LRIG3: variants seen among roughly 807,000 people sequenced by gnomAD.
LRIG3 encodes the protein leucine rich repeats and immunoglobulin like domains 3, also known as leucine-rich repeats and immunoglobulin-like domains protein 3.
In LRIG3, 76 loss-of-function variants were observed where a neutral mutation model predicts 114.5. The ratio of observed to expected loss-of-function variants is 0.66; its 90% CI spans 0.55 to 0.80. LRIG3 has a LOEUF of 0.80. Ranked by LOEUF, LRIG3 falls within the 30% of genes least tolerant of loss-of-function variation. The pLI is 0.00. For synonymous variants in LRIG3, 512 were observed against 519.8 expected, an observed-to-expected ratio of 0.98 and a Z score of 0.20; for missense variants, 1,239 against 1,382.8, an observed-to-expected ratio of 0.90 and a Z score of 1.65.
At chr12:58,919,476 C>A (rs1462097426) in intron 1 of LRIG3, 1 of 1,551,618 alleles carries the variant, frequency 6.4e-7, no homozygotes, top group Non-Finnish European at 8.7e-7. Flanking sequence ...AGAAGTACGT[C>A]CACCATAACT....
At chr12:58,890,284 A>C (rs1314501092) in intron 4 of LRIG3, 145 bp from the exon 5 acceptor site, 2 of 879,016 alleles carry the variant, frequency 2.3e-6, no homozygotes, top group African/African-American at 3.4e-5. Flanking sequence ...TCAAGGACAG[A>C]TGTTAAGATT....
chr12:58,915,412 C>T (rs1872442571), intron 1 of LRIG3, among the ~76,000 whole-genome samples: 2 of 152,052 alleles, frequency 1.3e-5, no homozygotes, highest in Admixed American at 6.6e-5. Context: ...AAGTACACCC[C>T]TCCTAAAAAA....
At chr12:58,886,770 A>C in intron 9 of LRIG3, 40 bp downstream of exon 9, 1 of 1,581,854 alleles carries the variant, frequency 6.3e-7, no homozygotes, top group Non-Finnish European at 8.7e-7. Context: ...AAATTTTTAA[A>C]TCAAAGAGTG....
In LRIG3 at chr12:58,901,834, G is replaced by A. The variant is rs114854098; in HGVS notation, c.384-11038C>T. ...CCTAGCAATTAGAATTAGTCACTAC[G>A]GAAAGGCTGCTCACCAAGAATGAGC... is the stretch of plus-strand genomic sequence containing the variant. On this transcript the variant is annotated intron_variant, in intron 3 of 18. Transcript: ENST00000320743. Among the ~76,000 whole-genome samples, 1,428 of 152,246 alleles carry A rather than the reference G, an allele frequency of 9.4e-3. 21 individuals carry two copies. The highest frequency in any genetic ancestry group is 0.031 in the African/African-American group (1,305 of 41,544).
chr12:58,916,788 A>G (rs540994950), intron 1 of LRIG3, among the ~76,000 whole-genome samples: 1 of 152,320 alleles, frequency 6.6e-6, no homozygotes, highest in Admixed American at 6.5e-5. Context: ...GGTTAGACAG[A>G]CTTCTCTCTT....
At chr12:58,893,342 G>T (rs1032231764) in intron 3 of LRIG3, among the ~76,000 whole-genome samples, 1 of 152,124 alleles carries the variant, frequency 6.6e-6, no homozygotes, top group African/African-American at 2.4e-5. Flanking sequence ...CTAATGTCAG[G>T]TAACTAGCAT....
At chr12:58,897,181 T>C (rs532530130) in intron 3 of LRIG3, among the ~76,000 whole-genome samples, 14 of 152,330 alleles carry the variant, frequency 9.2e-5, no homozygotes, top group Admixed American at 6.5e-4. Flanking sequence ...CCATTGGTAC[T>C]GCAGCATCAA....
intron 3 of LRIG3, among the ~76,000 whole-genome samples, chr12:58,900,290 T>C (rs1871797384): frequency 6.6e-6 from 1 of 152,146 alleles, no homozygotes; most frequent in Non-Finnish European, 1.5e-5. Flanking sequence ...AGCACCTTTT[T>C]TTTTTTTTTG....
In LRIG3 at chr12:58,920,301, A is replaced by C; in HGVS notation, c.-66T>G. Reference sequence around the variant, plus strand: ...CGGCGCGCGCTCGGGGCCCGGCACAAACTTCCAGCCGAGGGTGCACGCCCG... The same window carrying C: ...CGGCGCGCGCTCGGGGCCCGGCACACACTTCCAGCCGAGGGTGCACGCCCG... On this transcript the variant is annotated 5_prime_UTR_variant, in exon 1 of 19. Coordinates refer to ENST00000320743, the MANE Select transcript of LRIG3 (RefSeq NM_153377.5). 6 of 1,227,430 alleles carry C rather than the reference A, an allele frequency of 4.9e-6. No individual in the cohort carries two copies. The highest frequency in any genetic ancestry group is 6.2e-6 in the Non-Finnish European group (6 of 960,792). The allele number at this position is 1,227,430 out of a possible 1,614,324, so 76.0% of individuals were successfully genotyped here. A position where few individuals can be genotyped will look rare whatever the true frequency, so the allele number is the denominator to read the frequency against.
chr12:58,888,201 T>C, intron 7 of LRIG3, 128 bp downstream of exon 7: 2 of 1,137,010 alleles, frequency 1.8e-6, no homozygotes, highest in Admixed American at 5.4e-5. Context: ...AAGACTAGGT[T>C]GCATGTGAAA....
At chr12:58,906,587 T>C (rs962511067) in intron 3 of LRIG3, among the ~76,000 whole-genome samples, 18 of 152,138 alleles carry the variant, frequency 1.2e-4, no homozygotes, top group Non-Finnish European at 1.3e-4. Context: ...CTGGGTTCAG[T>C]ATATAAATAG....
At chr12:58,886,693 C>A in intron 9 of LRIG3, 117 bp downstream of exon 9, 2 of 750,488 alleles carry the variant, frequency 2.7e-6, no homozygotes, top group East Asian at 5.3e-5. Context: ...AGGGTGGTAA[C>A]CAGATTAAGC....
intron 9 of LRIG3, 124 bp from the exon 10 acceptor site, chr12:58,886,026 A>G (rs982886178): frequency 7.0e-6 from 3 of 425,916 alleles, no homozygotes; most frequent in Non-Finnish European, 1.3e-5. Context: ...TAAACAATAT[A>G]TCCTGTAAAA....
intron 3 of LRIG3, among the ~76,000 whole-genome samples, chr12:58,911,105 C>T (rs1466259474): frequency 1.3e-5 from 2 of 152,190 alleles, no homozygotes; most frequent in African/African-American, 2.4e-5. Context: ...TGAGCTAGTT[C>T]TGTGTGGGAT....
chr12:58,894,297 T>C (rs1592302805), intron 3 of LRIG3, among the ~76,000 whole-genome samples: 1 of 152,194 alleles, frequency 6.6e-6, no homozygotes, highest in South Asian at 2.1e-4. Flanking sequence ...GTGAGAATAA[T>C]AGTCCTTGTA....
At chr12:58,897,512 AGGT>A (rs1205523988) in intron 3 of LRIG3, among the ~76,000 whole-genome samples, 2 of 152,218 alleles carry the variant, frequency 1.3e-5, no homozygotes, top group African/African-American at 4.8e-5. Flanking sequence ...TGGAAGGCTG[AGGT>A]GGGAGGATTA....
In LRIG3 at chr12:58,872,519, A is replaced by T; in HGVS notation, c.*53T>A. ...AAACATAAGATTCTCTCTCTTTTAA[A>T]TAAAAGTTCACTTGAGGTAGTATGT... On this transcript the variant is annotated 3_prime_UTR_variant, in exon 19 of 19. Transcript: ENST00000320743. The T allele has an allele frequency of 1.3e-6, 2 of 1,483,162 alleles. No individual in the cohort carries two copies. Among genetic ancestry groups the T allele is most frequent in the South Asian group, 2.9e-5 (2 of 67,976 alleles). The allele number at this position is 1,483,162 out of a possible 1,614,324, so 91.9% of individuals were successfully genotyped here.
At chr12:58,913,659 C>T (rs1000628215) in intron 3 of LRIG3, 13 of 206,826 alleles carry the variant, frequency 6.3e-5, no homozygotes, top group Non-Finnish European at 4.8e-5. Context: ...AACCATTGAG[C>T]GATACTAAAA....
At chr12:58,892,058 G>T (rs907771881) in intron 3 of LRIG3, among the ~76,000 whole-genome samples, 6 of 151,524 alleles carry the variant, frequency 4.0e-5, no homozygotes, top group African/African-American at 7.3e-5. Context: ...AAAAAAAGAA[G>T]TCATTTCAAA....
Sources: allele counts gnomAD v4.1 joint callset (sites outside exome capture counted in the v4.1 genomes callset), GRCh38; gene constraint gnomAD v4.1.1; transcripts MANE v1.5; gene names NCBI Gene and HGNC (gene_info 2026-07-23, HGNC 2026-07-21).